The following DGKI variants were observed in gnomAD, a reference collection of about 807,000 sequenced individuals.
DGKI encodes diacylglycerol kinase iota, also known as DAG kinase iota.
In DGKI, 55 loss-of-function variants were observed where a neutral mutation model predicts 147.5. The ratio of observed to expected loss-of-function variants is 0.37; its 90% CI spans 0.30 to 0.47. The LOEUF is 0.47. Ranked by LOEUF, DGKI falls within the 20% of genes least tolerant of loss-of-function variation. DGKI has a pLI of 1.00. For missense variants in DGKI, 1,007 were observed against 1,323.8 expected (o/e 0.76, Z 3.71); for synonymous variants, 469 against 477.1 (o/e 0.98, Z 0.22).
chr7:137,464,494 C>T (rs987882114), intron 26 of DGKI, among the ~76,000 whole-genome samples: 1 of 152,098 alleles, frequency 6.6e-6, no homozygotes, highest in Non-Finnish European at 1.5e-5. Flanking sequence ...ACGAAGTTGG[C>T]CTTCCCCACC....
chr7:137,583,171 C>T (rs1039251310), intron 14 of DGKI, among the ~76,000 whole-genome samples: 1 of 152,126 alleles, frequency 6.6e-6, no homozygotes, highest in Non-Finnish European at 1.5e-5. Context: ...AATGACCCCA[C>T]ATGGAAGCTC....
intron 21 of DGKI, among the ~76,000 whole-genome samples, chr7:137,517,241 G>GA (rs1192920820): frequency 3.0e-5 from 3 of 99,876 alleles, no homozygotes; most frequent in East Asian, 2.5e-4. Context: ...AAGAAAGAAA[G>GA]AAAGAAAAGA....
In DGKI at chr7:137,423,186, C is replaced by T. The variant is rs978675541; in HGVS notation, c.2762-10979G>A. 2.0e-5 allele frequency among the ~76,000 whole-genome samples: 3 copies of T among 152,102 alleles called. No individual in the cohort carries two copies. In the East Asian group the frequency reaches 5.8e-4, roughly 29 times the overall value. ...AGAGAAATGGAAGAACTAATAAAGT[C>T]CTTATTTTCCCCACAAATGAGAGGA... On this transcript the variant is annotated intron_variant, in intron 28 of 32. Coordinates refer to ENST00000614521, the MANE Select transcript of DGKI (RefSeq NM_001321708.2).
At position 137,463,577 on chromosome 7, in the gene DGKI, G is replaced by A. The variant is rs139800212; in HGVS notation, c.2647C>T (p.Arg883Cys). Residue 883 changes from arginine (R) to cysteine (C), a missense_variant, in exon 27 of 33, where the codon CGC becomes TGC. Arg to Cys is a radical substitution (Grantham distance 180, BLOSUM62 -3). This residue lies in a region of DGKI where 385 missense variants were observed against 445.2 expected (regional missense o/e 0.86). Transcript: ENST00000614521. ...SDWWNPALRK[R>C]MLSDSGLGMI... is the part of the protein sequence containing the mutation. Reference sequence around the variant, plus strand: ...CCCAGCCCACTGTCACTCAGCATGCGTTTCCGCAGGGCAGGATTCCACCAG... The same window carrying A: ...CCCAGCCCACTGTCACTCAGCATGCATTTCCGCAGGGCAGGATTCCACCAG... 1.3e-4 allele frequency: 209 copies of A among 1,614,164 alleles called. 1 individual carries two copies. In the East Asian group the frequency reaches 3.6e-3, roughly 28 times the overall value.
At chr7:137,617,274 T>A (rs1820567434) in intron 8 of DGKI, among the ~76,000 whole-genome samples, 1 of 151,878 alleles carries the variant, frequency 6.6e-6, no homozygotes, top group Non-Finnish European at 1.5e-5. Context: ...TGGGAAATCC[T>A]ATGGGTAAAG....
intron 3 of DGKI, among the ~76,000 whole-genome samples, chr7:137,659,776 C>CA (rs974567732): frequency 1.3e-5 from 2 of 152,064 alleles, no homozygotes; most frequent in African/African-American, 4.8e-5. Context: ...ACTAAAAATA[C>CA]AAAAAAATTA....
intron 28 of DGKI, among the ~76,000 whole-genome samples, chr7:137,414,588 TA>T (rs1305304128): frequency 1.3e-5 from 2 of 150,768 alleles, no homozygotes; most frequent in East Asian, 3.9e-4. Context: ...CTTCCTTTTA[TA>T]AATGTCCATA....
intron 5 of DGKI, among the ~76,000 whole-genome samples, chr7:137,647,433 T>C (rs1821865450): frequency 6.6e-6 from 1 of 152,200 alleles, no homozygotes; most frequent in Admixed American, 6.5e-5. Flanking sequence ...CAATGATCTC[T>C]CTCTTCTGAA....
At chr7:137,795,609 C>A (rs1340061417) in intron 1 of DGKI, among the ~76,000 whole-genome samples, 1 of 152,114 alleles carries the variant, frequency 6.6e-6, no homozygotes, top group Non-Finnish European at 1.5e-5. Context: ...GAGAAGTCCA[C>A]GGGAGCTTTG....
At chr7:137,535,912 C>T (rs532797998) in intron 20 of DGKI, among the ~76,000 whole-genome samples, 27 of 152,128 alleles carry the variant, frequency 1.8e-4, no homozygotes, top group African/African-American at 6.0e-4. Flanking sequence ...CCACTCCTTA[C>T]GATTCTAAAA....
intron 1 of DGKI, among the ~76,000 whole-genome samples, chr7:137,804,562 AG>A (rs1797307976): frequency 6.6e-6 from 1 of 152,250 alleles, no homozygotes; most frequent in African/African-American, 2.4e-5. Context: ...AAGTCTTTGA[AG>A]AAAAATAAAA....
chr7:137,709,744 T>C (rs1654899346), intron 1 of DGKI, among the ~76,000 whole-genome samples: 1 of 151,854 alleles, frequency 6.6e-6, no homozygotes, highest in African/African-American at 2.4e-5. Context: ...AAAGAATCAA[T>C]GAGTATAAGC....
rs529251561 is a variant in DGKI at position 137,543,380 on chromosome 7, A to G, written c.2147+8989T>C. Among the ~76,000 whole-genome samples the G allele has an allele frequency of 4.6e-5, 7 of 152,350 alleles. No individual in the cohort carries two copies. The South Asian group carries it at 1.2e-3, about 27-fold the overall frequency. ...AAAATTCATCAATTCATATGTTGTC[A>G]TATATGGTCAAAACATAAAATTTCA... On this transcript the variant is annotated intron_variant, in intron 20 of 32. Transcript: ENST00000614521.
At position 137,383,267 on chromosome 7, in the gene DGKI, T is replaced by C. The variant is rs1315339537; in HGVS notation, c.*7953A>G. 6.6e-6 allele frequency: 1 copy of C among 150,716 alleles called. No individual in the cohort carries two copies. The highest frequency in any genetic ancestry group is 2.0e-4 in the East Asian group (1 of 5,030). 9.3% of individuals were successfully genotyped at this position (150,716 alleles called of 1,614,324 possible). On this transcript the variant is annotated 3_prime_UTR_variant, in exon 33 of 33. Coordinates refer to ENST00000614521, the MANE Select transcript of DGKI (RefSeq NM_001321708.2). Reference sequence around the variant, plus strand: ...CCAAATCTCCTAAATTGGCTAACAATTGGCAAAAATGCTAGCCAATTCCCA... The same window carrying C: ...CCAAATCTCCTAAATTGGCTAACAACTGGCAAAAATGCTAGCCAATTCCCA...
At chr7:137,804,129 A>G (rs1252144823) in intron 1 of DGKI, among the ~76,000 whole-genome samples, 4 of 152,188 alleles carry the variant, frequency 2.6e-5, no homozygotes, top group African/African-American at 9.7e-5. Flanking sequence ...AATGCCTGGC[A>G]TAGAGCAGGA....
At chr7:137,686,496 C>T (rs1407921233) in intron 2 of DGKI, among the ~76,000 whole-genome samples, 1 of 152,100 alleles carries the variant, frequency 6.6e-6, no homozygotes, top group African/African-American at 2.4e-5. Context: ...CCATGTGGGA[C>T]AGAGAATCCT....
At chr7:137,461,551 GGTTTA>G (rs1461832603) in intron 27 of DGKI, among the ~76,000 whole-genome samples, 5 of 152,106 alleles carry the variant, frequency 3.3e-5, no homozygotes, top group African/African-American at 4.8e-5. Context: ...TAAGGCATCT[GGTTTA>G]GTTTAGTTTT....
intron 19 of DGKI, among the ~76,000 whole-genome samples, chr7:137,569,577 A>C (rs527738349): frequency 2.2e-4 from 34 of 151,404 alleles, no homozygotes; most frequent in Non-Finnish European, 4.4e-5. Flanking sequence ...AAATACAAAA[A>C]AATTAGCCGG....
At chr7:137,468,737 T>C (rs1430661708) in intron 24 of DGKI, among the ~76,000 whole-genome samples, 2 of 152,212 alleles carry the variant, frequency 1.3e-5, no homozygotes, top group Non-Finnish European at 2.9e-5. Flanking sequence ...TAAATCTTAA[T>C]AGATCTCTGC....
Sources: gnomAD v4.1 joint callset for allele counts (sites outside exome capture counted in the v4.1 genomes callset) on GRCh38, gnomAD v4.1.1 for gene constraint, gnomAD v4.1.1 regional missense constraint, MANE v1.5 for transcripts, NCBI Gene and HGNC (gene_info 2026-07-23, HGNC 2026-07-21) for gene names.